NCOA1: variants seen among roughly 807,000 people sequenced by gnomAD.
NCOA1 encodes Hin-2 protein.
Under a neutral mutation model 150.9 loss-of-function variants are expected in NCOA1, and 35 were observed. The ratio of observed to expected loss-of-function variants is 0.23; its 90% CI spans 0.18 to 0.31. The LOEUF (loss-of-function observed/expected upper bound fraction) is 0.31. NCOA1 is among the 10% of genes least tolerant of loss of function. NCOA1 has a pLI of 1.00. For missense variants in NCOA1, 1,491 were observed against 1,749.3 expected (o/e 0.85, Z 2.63); for synonymous variants, 590 against 630.0 (o/e 0.94, Z 0.95).
chr2:24,548,090 A>C (rs1308082976), intron 1 of NCOA1, among the ~76,000 whole-genome samples: 1 of 151,894 alleles, frequency 6.6e-6, no homozygotes, highest in African/African-American at 2.4e-5. Context: ...ACTGTATAGT[A>C]TTGTATTACT....
At chr2:24,604,538 T>C (rs1668271625) in intron 3 of NCOA1, among the ~76,000 whole-genome samples, 1 of 152,256 alleles carries the variant, frequency 6.6e-6, no homozygotes, top group Non-Finnish European at 1.5e-5. Flanking sequence ...TGCACTTTTA[T>C]GTTATGGAGA....
chr2:24,715,974 C>G (rs1674018103), intron 14 of NCOA1, among the ~76,000 whole-genome samples: 1 of 151,980 alleles, frequency 6.6e-6, no homozygotes, highest in South Asian at 2.1e-4. Flanking sequence ...AACCCCGTCT[C>G]TACTAAAAAA....
At chr2:24,755,381 A>C (rs1664448725) in intron 20 of NCOA1, among the ~76,000 whole-genome samples, 1 of 152,278 alleles carries the variant, frequency 6.6e-6, no homozygotes, top group African/African-American at 2.4e-5. Context: ...TTAAAGGATA[A>C]GAAGTCCTGT....
At chr2:24,590,076 A>G (rs901462302) in intron 3 of NCOA1, among the ~76,000 whole-genome samples, 1 of 152,226 alleles carries the variant, frequency 6.6e-6, no homozygotes, top group African/African-American at 2.4e-5. Context: ...ATTAGTGTCT[A>G]ACAAATTCCT....
Position 24,758,757 on chromosome 2 carries a change from T to C in NCOA1, c.4065+601T>C, listed in dbSNP as rs913067570. Reference sequence around the variant, plus strand: ...GAGCACTTTGGGAGGCCAAGGCAGATGGATCACAAGGTCAGGAGTTCGAGA... The same window carrying C: ...GAGCACTTTGGGAGGCCAAGGCAGACGGATCACAAGGTCAGGAGTTCGAGA... On this transcript the variant is annotated intron_variant, in intron 21 of 22. Coordinates refer to ENST00000348332, the MANE Select transcript of NCOA1 (RefSeq NM_003743.5). 4.0e-5 allele frequency among the ~76,000 whole-genome samples: 6 copies of C among 151,464 alleles called. No individual in the cohort carries two copies. The South Asian group carries it at 8.3e-4, about 21-fold the overall frequency.
Position 24,526,799 on chromosome 2 carries a change from A to G in NCOA1, c.-396+35197A>G, listed in dbSNP as rs1017295752. Among the ~76,000 whole-genome samples the G allele has an allele frequency of 1.1e-4, 16 of 152,242 alleles. No homozygotes were observed. The South Asian group carries it at 2.3e-3, about 22-fold the overall frequency. On this transcript the variant is annotated intron_variant, in intron 1 of 22. Coordinates refer to ENST00000348332, the MANE Select transcript of NCOA1 (RefSeq NM_003743.5). ...GAGATACATGTAATGTTGGCCCTCT[A>G]TATCTGTGGGTTTTGCATCCATGGA... is the stretch of plus-strand genomic sequence containing the variant.
chr2:24,561,651 C>G (rs1666297413), intron 1 of NCOA1, among the ~76,000 whole-genome samples: 3 of 152,098 alleles, frequency 2.0e-5, no homozygotes, highest in African/African-American at 7.2e-5. Context: ...TAGAAAGGAG[C>G]ACTTTGTATA....
At chr2:24,616,574 T>A (rs1191614597) in intron 3 of NCOA1, among the ~76,000 whole-genome samples, 1 of 152,164 alleles carries the variant, frequency 6.6e-6, no homozygotes, top group East Asian at 1.9e-4. Context: ...ATGAAGTTGG[T>A]CTTTAAAAAT....
At chr2:24,500,570 T>G (rs1663419185) in intron 1 of NCOA1, among the ~76,000 whole-genome samples, 1 of 152,212 alleles carries the variant, frequency 6.6e-6, no homozygotes, top group African/African-American at 2.4e-5. Flanking sequence ...CAACACTATT[T>G]TGTATTGCAG....
intron 22 of NCOA1, among the ~76,000 whole-genome samples, chr2:24,763,041 T>C (rs986460468): frequency 1.3e-5 from 2 of 152,186 alleles, no homozygotes; most frequent in African/African-American, 4.8e-5. Context: ...AGTGCTTAGA[T>C]AGGATAAAGT....
chr2:24,676,566 A>AGTGTT (rs1572577231), intron 7 of NCOA1, among the ~76,000 whole-genome samples: 1 of 152,184 alleles, frequency 6.6e-6, no homozygotes, highest in Non-Finnish European at 1.5e-5. Context: ...AAAAAGCCAG[A>AGTGTT]GTGTTTTCTT....
intron 2 of NCOA1, among the ~76,000 whole-genome samples, chr2:24,565,575 G>A (rs1666465964): frequency 6.6e-6 from 1 of 152,204 alleles, no homozygotes; most frequent in Non-Finnish European, 1.5e-5. Flanking sequence ...TGGGATCCTT[G>A]GGGTGTCCTT....
chr2:24,548,254 CAAAG>C (rs932583344), intron 1 of NCOA1, among the ~76,000 whole-genome samples: 1 of 152,074 alleles, frequency 6.6e-6, no homozygotes, highest in Non-Finnish European at 1.5e-5. Flanking sequence ...TGGCAGAAGG[CAAAG>C]AAAGAGGGCA....
intron 8 of NCOA1, among the ~76,000 whole-genome samples, chr2:24,687,819 G>T (rs1672479715): frequency 6.6e-6 from 1 of 152,086 alleles, no homozygotes; most frequent in Non-Finnish European, 1.5e-5. Flanking sequence ...GATGAGATTT[G>T]GGTGGCAACA....
In NCOA1 at chr2:24,710,241, G is replaced by A. The variant is rs536472026; in HGVS notation, c.2419-690G>A. 5.3e-5 allele frequency among the ~76,000 whole-genome samples: 8 copies of A among 152,070 alleles called. No individual in the cohort carries two copies. The East Asian group carries it at 5.8e-4, about 11-fold the overall frequency. Reference sequence around the variant, plus strand: ...CACTAGTAGCTGGAGTTATAGGCACGTGCCACGATGCCTGGCTAATTTTTG... The same window carrying A: ...CACTAGTAGCTGGAGTTATAGGCACATGCCACGATGCCTGGCTAATTTTTG... On this transcript the variant is annotated intron_variant, in intron 13 of 22. Transcript: ENST00000348332.
chr2:24,705,795 A>G (rs984933872), intron 12 of NCOA1, among the ~76,000 whole-genome samples: 1 of 152,174 alleles, frequency 6.6e-6, no homozygotes, highest in Admixed American at 6.5e-5. Context: ...AAAATGTAGC[A>G]TTAAAAACAA....
intron 14 of NCOA1, among the ~76,000 whole-genome samples, chr2:24,714,866 CAAAG>C (rs369130062): frequency 5.3e-5 from 8 of 151,508 alleles, no homozygotes; most frequent in Non-Finnish European, 8.8e-5. Flanking sequence ...AAAATAAACA[CAAAG>C]AAAACTACTA....
chr2:24,634,225 C>T (rs7557748), intron 3 of NCOA1, among the ~76,000 whole-genome samples: 2 of 152,078 alleles, frequency 1.3e-5, no homozygotes, highest in Non-Finnish European at 2.9e-5. Flanking sequence ...GGGGAAGGAA[C>T]AGGGTAGGCT....
chr2:24,533,375 A>G (rs1393077831), intron 1 of NCOA1, among the ~76,000 whole-genome samples: 1 of 152,218 alleles, frequency 6.6e-6, no homozygotes. Context: ...CTAAATATCC[A>G]ATCATGTCAT....
Sources: gnomAD v4.1 joint callset for allele counts (sites outside exome capture counted in the v4.1 genomes callset) on GRCh38, gnomAD v4.1.1 for gene constraint, MANE v1.5 for transcripts, NCBI Gene and HGNC (gene_info 2026-07-23, HGNC 2026-07-21) for gene names.